Variants in TMC1 observed in about 807,000 individuals in gnomAD.
The protein encoded by TMC1 is transmembrane channel like 1, also known as transmembrane channel-like protein 1.
A neutral mutation model predicts 105.8 loss-of-function variants in TMC1; 84 were observed. The ratio of observed to expected loss-of-function variants is 0.79; its 90% CI spans 0.67 to 0.95. The LOEUF is 0.95. TMC1 is among the 40% of genes least tolerant of loss of function. The pLI is 0.00. For synonymous variants in TMC1, 315 were observed against 311.5 expected (o/e 1.01, Z -0.12); for missense variants, 817 against 914.1 (o/e 0.89, Z 1.37).
intron 12 of TMC1, 80 bp downstream of exon 12, chr9:72,754,964 T>C: frequency 9.9e-7 from 1 of 1,014,652 alleles, no homozygotes; most frequent in South Asian, 1.3e-5. Flanking sequence ...CACGGCCTCC[T>C]CTCCTGGGTC....
intron 10 of TMC1, among the ~76,000 whole-genome samples, chr9:72,742,975 C>T (rs1305549209): frequency 1.3e-5 from 2 of 152,196 alleles, no homozygotes; most frequent in East Asian, 1.9e-4. Flanking sequence ...GTGGTTCACG[C>T]CTGTAATCCC....
At chr9:72,641,905 C>T (rs765627254) in intron 4 of TMC1, among the ~76,000 whole-genome samples, 12 of 150,368 alleles carry the variant, frequency 8.0e-5, no homozygotes, top group Non-Finnish European at 1.8e-4. Context: ...GCACTCTCCA[C>T]CTCCCGGGTT....
Position 72,826,911 on chromosome 9 carries a change from G to C in TMC1, c.2046G>C (p.Glu682Asp). The C allele has an allele frequency of 6.2e-7, 1 of 1,614,098 alleles. No individual in the cohort carries two copies. Among genetic ancestry groups the C allele is most frequent in the Non-Finnish European group, 8.5e-7 (1 of 1,179,968 alleles). The change falls in exon 21 of 24, where the codon GAG (glutamate) becomes GAC (aspartate). Residue 682 changes from glutamate to aspartate, a missense_variant. Transcript: ENST00000297784. ...TTGAAGTCATTGGAGAGACCCTGGAGCACGATTTCCCAAGCTGGATGGCGA... is the reference window on the plus strand; with the variant it reads ...TTGAAGTCATTGGAGAGACCCTGGACCACGATTTCCCAAGCTGGATGGCGA... ...RMFEVIGETL[E>D]HDFPSWMAKI... is the part of the protein sequence containing the mutation.
At chr9:72,585,920 C>T (rs1051367998) in intron 2 of TMC1, among the ~76,000 whole-genome samples, 4 of 152,062 alleles carry the variant, frequency 2.6e-5, no homozygotes, top group East Asian at 3.9e-4. Flanking sequence ...TTCCTCCGAC[C>T]GTGTTGCCAC....
chr9:72,677,569 G>A (rs574812348), intron 5 of TMC1, among the ~76,000 whole-genome samples: 18 of 152,138 alleles, frequency 1.2e-4, no homozygotes, highest in East Asian at 5.8e-4. Context: ...CAGGGCACCC[G>A]GCCTGGCAAG....
At chr9:72,711,901 G>T (rs143213086) in intron 8 of TMC1, among the ~76,000 whole-genome samples, 197 of 152,230 alleles carry the variant, frequency 1.3e-3, no homozygotes, top group African/African-American at 4.4e-3. Context: ...TACGGTTTTA[G>T]GTTTTAGGTT....
rs142599683 is a variant in TMC1 at position 72,737,586 on chromosome 9, G to A, written c.363-2533G>A. On this transcript the variant is annotated intron_variant, in intron 8 of 23. Transcript: ENST00000297784. ...TGGGACAAAGAGCATCAGAAACATGGGCAAGGTCATAGAGACAGATCCCAG... is the reference window on the plus strand; with the variant it reads ...TGGGACAAAGAGCATCAGAAACATGAGCAAGGTCATAGAGACAGATCCCAG... Among the ~76,000 whole-genome samples the A allele has an allele frequency of 1.9e-4, 29 of 152,126 alleles. No individual in the cohort carries two copies. The East Asian group carries it at 2.1e-3, about 11-fold the overall frequency.
intron 18 of TMC1, among the ~76,000 whole-genome samples, chr9:72,805,927 G>C (rs1280292509): frequency 2.0e-5 from 3 of 152,128 alleles, no homozygotes; most frequent in Non-Finnish European, 4.4e-5. Context: ...AAAATGAAAA[G>C]TCTCCCATGT....
chr9:72,525,324 C>T (rs1169944839), intron 1 of TMC1, among the ~76,000 whole-genome samples: 1 of 152,152 alleles, frequency 6.6e-6, no homozygotes, highest in African/African-American at 2.4e-5. Flanking sequence ...CTTGTCACTG[C>T]TTCCTGCCTC....
At chr9:72,636,606 G>T (rs1018510369) in intron 4 of TMC1, among the ~76,000 whole-genome samples, 2 of 150,262 alleles carry the variant, frequency 1.3e-5, no homozygotes. Flanking sequence ...TACTCAGGAG[G>T]CTGAGGCAGG....
intron 4 of TMC1, among the ~76,000 whole-genome samples, chr9:72,646,837 C>T (rs1825720473): frequency 6.6e-6 from 1 of 151,860 alleles, no homozygotes; most frequent in African/African-American, 2.4e-5. Context: ...ATTTTTGATA[C>T]TAATCTTTTA....
At chr9:72,682,000 A>C (rs531297459) in intron 5 of TMC1, among the ~76,000 whole-genome samples, 6 of 152,166 alleles carry the variant, frequency 3.9e-5, no homozygotes, top group Non-Finnish European at 8.8e-5. Flanking sequence ...GAAAACATTG[A>C]AGAGTGACAG....
At chr9:72,770,573 C>T (rs72733066) in intron 12 of TMC1, among the ~76,000 whole-genome samples, 13,678 of 150,660 alleles carry the variant, frequency 0.091, 786 homozygotes, top group Non-Finnish European at 0.14. Flanking sequence ...TGTGAGTCAC[C>T]ATGTCTGGCT....
rs753763142 is a variant in TMC1, at chr9:72,830,659, A to G, written c.2237A>G (p.Lys746Arg). 10 of 1,613,634 alleles carry G rather than the reference A, an allele frequency of 6.2e-6. No individual in the cohort carries two copies. The highest frequency in any genetic ancestry group is 8.5e-6 in the Non-Finnish European group (10 of 1,179,862). The change falls in exon 23 of 24, where the codon AAG becomes AGG. Residue 746 changes from lysine to arginine, a missense_variant. By Grantham distance (26) the Lys-to-Arg change is conservative. Coordinates refer to ENST00000297784, the MANE Select transcript of TMC1 (RefSeq NM_138691.3). ...GCTTTGGAGAACAAAATGCGAAACA[A>G]GAAAATGGCAGCTGCACGAGCAGGT... ...MQALENKMRN[K>R]KMAAARAAAA...
At chr9:72,828,422 C>A (rs1164790251) in intron 21 of TMC1, among the ~76,000 whole-genome samples, 1 of 149,382 alleles carries the variant, frequency 6.7e-6, no homozygotes, top group Non-Finnish European at 1.5e-5. Context: ...TTGTTTAAAA[C>A]ACACACACAC....
intron 2 of TMC1, among the ~76,000 whole-genome samples, chr9:72,612,578 A>G (rs898687030): frequency 2.0e-5 from 3 of 152,116 alleles, no homozygotes; most frequent in African/African-American, 7.2e-5. Context: ...CAGTGAGAAA[A>G]CAGCCATAGA....
intron 2 of TMC1, among the ~76,000 whole-genome samples, chr9:72,605,206 G>T (rs1755288070): frequency 6.6e-6 from 1 of 152,036 alleles, no homozygotes. Flanking sequence ...ACAACTGAGG[G>T]GTTATCATTT....
chr9:72,724,317 G>T (rs1827079783), intron 8 of TMC1, among the ~76,000 whole-genome samples: 1 of 152,198 alleles, frequency 6.6e-6, no homozygotes, highest in Non-Finnish European at 1.5e-5. Flanking sequence ...GGTGAGCAAG[G>T]ACGAGAGACA....
chr9:72,770,581 G>T (rs1827909772), intron 12 of TMC1, among the ~76,000 whole-genome samples: 1 of 150,856 alleles, frequency 6.6e-6, no homozygotes, highest in Admixed American at 6.6e-5. Flanking sequence ...ACCATGTCTG[G>T]CTGATATATA....
Sources: gnomAD v4.1 joint callset for allele counts (sites outside exome capture counted in the v4.1 genomes callset) on GRCh38, gnomAD v4.1.1 for gene constraint, MANE v1.5 for transcripts, NCBI Gene and HGNC (gene_info 2026-07-23, HGNC 2026-07-21) for gene names.